The following EP400 variants were observed in gnomAD, a reference collection of about 807,000 sequenced individuals.
EP400 encodes E1A binding protein p400.
In EP400, 105 loss-of-function variants were observed where a neutral mutation model predicts 354.1. That is an observed-to-expected ratio of 0.30 (90% CI 0.25 to 0.35). The LOEUF (loss-of-function observed/expected upper bound fraction) is 0.35, where lower values mean the gene tolerates loss of function less well. Ranked by LOEUF, EP400 falls within the 10% of genes least tolerant of loss-of-function variation. The probability of loss-of-function intolerance (pLI) is 1.00; values close to 1 mark genes in which losing one functional copy is unlikely to be tolerated. For synonymous variants in EP400, 1,646 were observed against 1,716.9 expected (o/e 0.96, Z 1.02); for missense variants, 3,280 against 4,121.0 (o/e 0.80, Z 5.59).
At chr12:132,058,487 G>T (rs1026540267) in intron 45 of EP400, among the ~76,000 whole-genome samples, 1 of 151,896 alleles carries the variant, frequency 6.6e-6, no homozygotes, top group African/African-American at 2.4e-5. Context: ...GAGTAGCTGG[G>T]ATTACAGGTG....
chr12:132,063,865 C>T (rs1449161539), intron 47 of EP400, among the ~76,000 whole-genome samples: 1 of 152,192 alleles, frequency 6.6e-6, no homozygotes, highest in African/African-American at 2.4e-5. Context: ...CACTTGTATC[C>T]TGCGGGACGT....
At chr12:132,016,248 G>A (rs184499946) in intron 19 of EP400, among the ~76,000 whole-genome samples, 4 of 152,000 alleles carry the variant, frequency 2.6e-5, no homozygotes, top group Non-Finnish European at 4.4e-5. Context: ...TCCATTTTTC[G>A]GTCTCCACTC....
In EP400 at chr12:132,027,349, A is replaced by AGG. The variant is rs1413691882; in HGVS notation, c.5015-86_5015-85dup. On this transcript the variant is annotated intron_variant, in intron 25 of 52. Transcript: ENST00000389561. The surrounding 1 kb of genome is among the most constrained non-coding windows in gnomAD (Gnocchi z 4.9). ...GACTTTCTGTGGAGTGTGCTGGTGG[A>AGG]GGGTGAGGTTCCATGGAGCATGCTG... is the stretch of plus-strand genomic sequence containing the variant. 1.1e-4 allele frequency: 143 copies of AGG among 1,303,362 alleles called. No individual in the cohort carries two copies. Among genetic ancestry groups the AGG allele is most frequent in the Non-Finnish European group, 1.5e-4 (138 of 904,896 alleles). 80.7% of individuals were successfully genotyped at this position (1,303,362 alleles called of 1,614,324 possible).
intron 2 of EP400, among the ~76,000 whole-genome samples, chr12:131,969,100 T>C (rs1264748143): frequency 1.3e-5 from 2 of 152,066 alleles, no homozygotes; most frequent in South Asian, 2.1e-4. Flanking sequence ...CTTCCTGATC[T>C]AGGGGGAAGG....
At chr12:132,014,383 A>G (rs962438869) in intron 19 of EP400, among the ~76,000 whole-genome samples, 5 of 152,156 alleles carry the variant, frequency 3.3e-5, no homozygotes, top group African/African-American at 9.7e-5. Context: ...AATGCACACC[A>G]TGTGATGGCC....
chr12:131,951,063 CTATTTTT>C (rs1382414780), intron 1 of EP400, among the ~76,000 whole-genome samples: 9 of 129,786 alleles, frequency 6.9e-5, no homozygotes, highest in Non-Finnish European at 1.3e-4. Context: ...CCACGCCTGG[CTATTTTT>C]TTTTTTTTTT....
At chr12:132,072,734 T>G (rs1271698751) in intron 51 of EP400, among the ~76,000 whole-genome samples, 1 of 152,260 alleles carries the variant, frequency 6.6e-6, no homozygotes, top group African/African-American at 2.4e-5. Flanking sequence ...TTACTAGTTA[T>G]TGAGAAGGCG....
In EP400 at chr12:132,069,585, C is replaced by T; in HGVS notation, c.8965C>T (p.Pro2989Ser). The stretch of plus-strand genomic sequence containing the variant: ...CCTTAAGACCCAGTTTCTTACCACA[C>T]CCATCTCCCAGGCCCAGAAACTGGC... ...PALKTQFLTT[P>S]ISQAQKLAGA... The change falls in exon 51 of 53, where the codon CCC (proline) becomes TCC (serine). Residue 2989 changes from proline to serine, a missense_variant. By Grantham distance (74) the Pro-to-Ser change is moderately conservative. Transcript: ENST00000389561. The T allele has an allele frequency of 1.2e-6, 2 of 1,614,270 alleles. No homozygotes were observed. The highest frequency in any genetic ancestry group is 1.7e-6 in the Non-Finnish European group (2 of 1,180,036).
chr12:132,037,686 G>A lies in EP400; in HGVS notation c.5956G>A (p.Val1986Met). Residue 1986 changes from valine (V) to methionine (M), a missense_variant, in exon 31 of 53, where the codon GTG (valine) becomes ATG (methionine). Around this residue, in one of 20 missense-constraint regions of EP400, gnomAD observed 459 missense variants for 496.9 expected, o/e 0.92. Transcript: ENST00000389561. ...RCKDIHIYRL[V>M]SGNSIEEKLL... ...TCTTACATCTTTTGTTTGCAGGCTTGTGAGTGGCAATTCCATTGAAGAGAA... is the reference window on the plus strand; with the variant it reads ...TCTTACATCTTTTGTTTGCAGGCTTATGAGTGGCAATTCCATTGAAGAGAA... 25 of 1,614,074 alleles carry A rather than the reference G, an allele frequency of 1.5e-5. No individual in the cohort carries two copies. The highest frequency in any genetic ancestry group is 2.0e-5 in the Non-Finnish European group (24 of 1,179,884).
At chr12:132,028,360 C>G in intron 27 of EP400, 72 bp downstream of exon 27, 1 of 1,555,706 alleles carries the variant, frequency 6.4e-7, no homozygotes, top group African/African-American at 1.4e-5. Flanking sequence ...CTTCTTGTCT[C>G]GTGGATGTAC....
chr12:132,046,033 C>A, intron 39 of EP400, 133 bp downstream of exon 39: 1 of 1,136,634 alleles, frequency 8.8e-7, no homozygotes, highest in Non-Finnish European at 1.2e-6. Context: ...TGAAGTCCAT[C>A]TCCTTGGGCT....
At position 131,990,116 on chromosome 12, in the gene EP400, C is replaced by T. The variant is rs764935131; in HGVS notation, c.2550+12C>T. On this transcript the variant is annotated intron_variant, in intron 8 of 52. Transcript: ENST00000389561. The surrounding 1 kb of genome is among the most constrained non-coding windows in gnomAD (Gnocchi z 4.2). ...CGAATATTGAACAGGCGAGTGCTGC[C>T]GTTGTCATGGGGTCGTAAGAATCAG... is the stretch of plus-strand genomic sequence containing the variant. 16 of 1,594,666 alleles carry T rather than the reference C, an allele frequency of 1.0e-5. No individual in the cohort carries two copies. The highest frequency in any genetic ancestry group is 3.7e-5 in the Admixed American group (2 of 53,970).
Position 132,018,628 on chromosome 12 carries a change from G to A in EP400, c.4277+252G>A, listed in dbSNP as rs2136539923. Among the ~76,000 whole-genome samples the A allele has an allele frequency of 6.6e-6, 1 of 152,324 alleles. No individual in the cohort carries two copies. Among genetic ancestry groups the A allele is most frequent in the South Asian group, 2.1e-4 (1 of 4,834 alleles). ...GTCTTTGCAGCAGTTTTAGGGTAGG[G>A]TGGGTGTCAGGGCTGCATTTGACCT... On this transcript the variant is annotated intron_variant, in intron 21 of 52. Transcript: ENST00000389561. This position sits in a 1 kb window ranked among gnomAD's most constrained non-coding sequence, Gnocchi z 4.0.
At position 132,052,728 on chromosome 12, in the gene EP400, T is replaced by A. The variant is rs1226777430; in HGVS notation, c.7395-418T>A. ...CCGCGGGCCTGCGCGGCGTGGAGCC[T>A]GGGCATTCTCGGGGGAGCGAGAGAG... is the stretch of plus-strand genomic sequence containing the variant. On this transcript the variant is annotated intron_variant, in intron 41 of 52. Transcript: ENST00000389561. This position sits in a 1 kb window ranked among gnomAD's most constrained non-coding sequence, Gnocchi z 4.4. 1.3e-5 allele frequency among the ~76,000 whole-genome samples: 2 copies of A among 152,100 alleles called. No homozygotes were observed. Among genetic ancestry groups the A allele is most frequent in the African/African-American group, 4.8e-5 (2 of 41,430 alleles).
chr12:132,073,459 C>CTTTTTTTTCTTTTTTTTTTTTTTTTTTT (rs1896126104), intron 51 of EP400, among the ~76,000 whole-genome samples: 1 of 117,730 alleles, frequency 8.5e-6, no homozygotes, highest in African/African-American at 4.4e-5. Flanking sequence ...GTCCCTTTTC[C>CTTTTTTTTCTTTTTTTTTTTTTTTTTTT]TTTTTTTTTT....
chr12:132,031,809 C>T, intron 29 of EP400, 144 bp from the exon 30 acceptor site: 1 of 731,474 alleles, frequency 1.4e-6, no homozygotes. Flanking sequence ...CCCACCTCGG[C>T]CTCCCAAAGT....
At chr12:131,955,114 G>T (rs1891651863) in intron 1 of EP400, among the ~76,000 whole-genome samples, 2 of 152,158 alleles carry the variant, frequency 1.3e-5, no homozygotes, top group African/African-American at 4.8e-5. Context: ...ACCATTGGTA[G>T]CTTTGCTATC....
At chr12:131,975,191 A>G (rs1892429111) in intron 2 of EP400, among the ~76,000 whole-genome samples, 1 of 152,146 alleles carries the variant, frequency 6.6e-6, no homozygotes, top group African/African-American at 2.4e-5. Context: ...AGTGTCAGCC[A>G]CAGCCGGGGA....
At chr12:131,986,895 C>G in intron 6 of EP400, 88 bp downstream of exon 6, 1 of 1,435,544 alleles carries the variant, frequency 7.0e-7, no homozygotes, top group Non-Finnish European at 9.5e-7. Flanking sequence ...GGCGTAAAAC[C>G]GAATGCCTGG....
Sources: gnomAD v4.1 joint callset for allele counts (sites outside exome capture counted in the v4.1 genomes callset) on GRCh38, gnomAD v4.1.1 for gene constraint, gnomAD v4.1.1 regional missense constraint, Gnocchi (gnomAD v3.1) non-coding constraint, MANE v1.5 for transcripts, NCBI Gene and HGNC (gene_info 2026-07-23, HGNC 2026-07-21) for gene names.